The following APOOL variants were observed in gnomAD, a reference collection of about 807,000 sequenced individuals.
The protein encoded by APOOL is MICOS complex subunit MIC27.
A neutral mutation model predicts 23.1 loss-of-function variants in APOOL; 12 were observed. That is an observed-to-expected ratio of 0.52 (90% CI 0.33 to 0.84). The LOEUF (loss-of-function observed/expected upper bound fraction) is 0.84, where lower values mean the gene tolerates loss of function less well. APOOL is among the 40% of genes least tolerant of loss of function. APOOL has a pLI of 0.02. For synonymous variants in APOOL, 77 were observed against 69.9 expected (o/e 1.10, Z -0.51); for missense variants, 212 against 199.6 (o/e 1.06, Z -0.37).
rs1186904353 is a variant in APOOL, at chrX:85,030,431, C to CTAAATTTTCTACT, written c.16-16015_16-16014insTAAATTTTCTACT. 5.4e-5 allele frequency among the ~76,000 whole-genome samples: 6 copies of CTAAATTTTCTACT among 110,946 alleles called. No homozygotes were observed. In the East Asian group the frequency reaches 1.7e-3, roughly 32 times the overall value. The stretch of plus-strand genomic sequence containing the variant: ...GGTATAATGTTCACTGCTCAGGTGA[C>CTAAATTTTCTACT]AGGTGCACTAAAATTTCTACTACAT... On this transcript the variant is annotated intron_variant, in intron 1 of 8. Coordinates refer to ENST00000373173, the MANE Select transcript of APOOL (RefSeq NM_198450.6).
chrX:85,073,374 G>T (rs1923732928), intron 6 of APOOL, among the ~76,000 whole-genome samples: 1 of 111,516 alleles, frequency 9.0e-6, no homozygotes, highest in Admixed American at 9.6e-5. Context: ...AAGAGAAATA[G>T]AGATGAATGA....
chrX:85,032,055 A>G (rs924194370), intron 1 of APOOL, among the ~76,000 whole-genome samples: 1 of 111,774 alleles, frequency 8.9e-6, no homozygotes, highest in African/African-American at 3.3e-5. Context: ...GGAGGCTGTT[A>G]GGTGTTTTTC....
Position 85,092,292 on chromosome X carries a change from T to A in APOOL, c.*4614T>A. ...ATCTGCTCAAACAAGAATGTGATGA[T>A]CACTTGCTGTATTGTACAACAAAGT... On this transcript the variant is annotated 3_prime_UTR_variant, in exon 9 of 9. Transcript: ENST00000373173. 1 of 874,857 alleles carries A rather than the reference T, an allele frequency of 1.1e-6. No individual in the cohort carries two copies. The highest frequency in any genetic ancestry group is 1.5e-6 in the Non-Finnish European group (1 of 651,271). 72.1% of individuals were successfully genotyped at this position (874,857 alleles called of 1,213,427 possible).
chrX:85,032,285 C>T (rs1922063427), intron 1 of APOOL, among the ~76,000 whole-genome samples: 1 of 111,697 alleles, frequency 9.0e-6, no homozygotes, highest in African/African-American at 3.2e-5. Flanking sequence ...GAGGCCAAGG[C>T]GGGCCGATCA....
chrX:85,021,849 A>G (rs1921676413), intron 1 of APOOL, among the ~76,000 whole-genome samples: 1 of 111,803 alleles, frequency 8.9e-6, no homozygotes, highest in South Asian at 3.7e-4. Flanking sequence ...ACATAGATAA[A>G]CCTTTAGCTA....
Position 85,087,772 on chromosome X carries a change from A to G in APOOL, c.*94A>G. On this transcript the variant is annotated 3_prime_UTR_variant, in exon 9 of 9. Coordinates refer to ENST00000373173, the MANE Select transcript of APOOL (RefSeq NM_198450.6). ...AAATCATGTAATGGGTAACTGATAC[A>G]TAGAGTATTACCTAAACCAAGTTTC... is the stretch of plus-strand genomic sequence containing the variant. 1 of 761,938 alleles carries G rather than the reference A, an allele frequency of 1.3e-6. No individual in the cohort carries two copies. The allele number at this position is 761,938 out of a possible 1,213,427, so 62.8% of individuals were successfully genotyped here.
intron 8 of APOOL, among the ~76,000 whole-genome samples, chrX:85,083,305 T>G (rs774219303): frequency 9.0e-6 from 1 of 111,079 alleles, no homozygotes; most frequent in Non-Finnish European, 1.9e-5. Flanking sequence ...AATATTGAAG[T>G]TAACTGAAAA....
intron 8 of APOOL, among the ~76,000 whole-genome samples, chrX:85,079,616 G>T (rs1924004996): frequency 8.9e-6 from 1 of 111,848 alleles, no homozygotes; most frequent in Non-Finnish European, 1.9e-5. Context: ...AAATGAGTTA[G>T]TGAGAATTCC....
At chrX:85,044,940 T>C (rs1043408663) in intron 1 of APOOL, among the ~76,000 whole-genome samples, 3 of 111,754 alleles carry the variant, frequency 2.7e-5, no homozygotes, top group Non-Finnish European at 3.8e-5. Context: ...AGTAGTCTCT[T>C]AAGAAGAAGT....
chrX:85,048,895 G>A (rs1922665995), intron 2 of APOOL, among the ~76,000 whole-genome samples: 1 of 110,507 alleles, frequency 9.0e-6, no homozygotes. Flanking sequence ...AAACTCTGTA[G>A]CACCATGAGA....
chrX:85,075,628 A>C (rs1751791722), intron 8 of APOOL, among the ~76,000 whole-genome samples: 1 of 111,844 alleles, frequency 8.9e-6, no homozygotes, highest in African/African-American at 3.2e-5. Flanking sequence ...ACAAGAATAT[A>C]ATGTATGGTC....
intron 5 of APOOL, among the ~76,000 whole-genome samples, chrX:85,065,519 T>G (rs1923425704): frequency 9.0e-6 from 1 of 111,568 alleles, no homozygotes; most frequent in Admixed American, 9.6e-5. Context: ...CTGGTAATGG[T>G]TTTTCCTTTC....
In APOOL at chrX:85,067,061, G is replaced by A. The variant is rs3830105; in HGVS notation, c.395-66G>A. The stretch of plus-strand genomic sequence containing the variant: ...ACCAGGAGAGCAAAGAAAGCATTAC[G>A]GTATAAGAACATCAAGTCTCTGGTG... On this transcript the variant is annotated intron_variant, in intron 5 of 8. Transcript: ENST00000373173. The A allele has an allele frequency of 0.016, 11,112 of 691,622 alleles. 579 individuals carry two copies. The African/African-American group carries it at 0.18, about 11-fold the overall frequency. 57.0% of individuals were successfully genotyped at this position (691,622 alleles called of 1,213,427 possible).
intron 2 of APOOL, among the ~76,000 whole-genome samples, chrX:85,050,377 G>C (rs1414465465): frequency 9.0e-6 from 1 of 111,166 alleles, no homozygotes; most frequent in Admixed American, 9.6e-5. Flanking sequence ...GTATTACCTT[G>C]AATAGTTATC....
intron 1 of APOOL, among the ~76,000 whole-genome samples, chrX:85,023,878 T>C (rs1389329301): frequency 8.9e-6 from 1 of 112,313 alleles, no homozygotes; most frequent in Non-Finnish European, 1.9e-5. Flanking sequence ...TATTTTTGTG[T>C]TGTAAATGGG....
At chrX:85,004,922 C>A (rs1427823406) in intron 1 of APOOL, among the ~76,000 whole-genome samples, 2 of 111,079 alleles carry the variant, frequency 1.8e-5, no homozygotes, top group Non-Finnish European at 3.8e-5. Flanking sequence ...TCTTGTCACT[C>A]AGGAACCCTC....
In APOOL at chrX:85,057,638, GATATATATCTCATCTGAATGGATGAT is replaced by G. The variant is rs1241601833; in HGVS notation, c.394+1748_394+1773del. Reference sequence around the variant, plus strand: ...ATACATATATCTCATCTGAATGGATGATATATATCTCATCTGAATGGATGATATATATATCTCATCTGAATGGATGA... The same window carrying G: ...ATACATATATCTCATCTGAATGGATGATATATATCTCATCTGAATGGATGA... On this transcript the variant is annotated intron_variant, in intron 5 of 8. Coordinates refer to ENST00000373173, the MANE Select transcript of APOOL (RefSeq NM_198450.6). 4.3e-4 allele frequency among the ~76,000 whole-genome samples: 45 copies of G among 105,341 alleles called. No homozygotes were observed. The South Asian group carries it at 6.4e-3, about 15-fold the overall frequency. 91.5% of individuals were successfully genotyped at this position (105,341 alleles called of 115,157 possible). A position where few individuals can be genotyped will look rare whatever the true frequency, so the allele number is the denominator to read the frequency against.
intron 1 of APOOL, among the ~76,000 whole-genome samples, chrX:85,005,234 C>G (rs1375173244): frequency 9.0e-6 from 1 of 110,892 alleles, no homozygotes; most frequent in African/African-American, 3.3e-5. Context: ...ACCTCCACCT[C>G]CCGGGTTCAG....
chrX:85,082,216 A>G (rs1177003505), intron 8 of APOOL, among the ~76,000 whole-genome samples: 1 of 111,710 alleles, frequency 9.0e-6, no homozygotes, highest in Non-Finnish European at 1.9e-5. Context: ...GTTTCTCCCC[A>G]TCTTTGTGGT....
Sources: allele counts gnomAD v4.1 joint callset (sites outside exome capture counted in the v4.1 genomes callset), GRCh38; gene constraint gnomAD v4.1.1; transcripts MANE v1.5; gene names NCBI Gene and HGNC (gene_info 2026-07-23, HGNC 2026-07-21).